Variants in WDR76 observed in about 807,000 individuals in gnomAD.
WDR76 encodes WD repeat-containing protein 76.
A neutral mutation model predicts 70.2 loss-of-function variants in WDR76; 52 were observed. The observed-to-expected ratio is 0.74, with a 90% CI of 0.59 to 0.93. The LOEUF (loss-of-function observed/expected upper bound fraction) is 0.93, where lower values mean the gene tolerates loss of function less well. Among genes scored for constraint, WDR76 ranks in the 40% least tolerant of loss-of-function variants. The pLI, the probability that WDR76 is intolerant of heterozygous loss-of-function variation, is 0.00. For synonymous variants in WDR76, 292 were observed against 271.1 expected, an observed-to-expected ratio of 1.08 and a Z score of -0.76; for missense variants, 756 against 760.2, an observed-to-expected ratio of 0.99 and a Z score of 0.07.
chr15:43,830,069 G>A (rs1195204234), intron 2 of WDR76, among the ~76,000 whole-genome samples: 1 of 149,794 alleles, frequency 6.7e-6, no homozygotes, highest in African/African-American at 2.5e-5. Context: ...GTTGGGAGGT[G>A]TTGCCCAAGC....
chr15:43,834,836 A>T (rs1246027793), intron 2 of WDR76, among the ~76,000 whole-genome samples: 1 of 152,190 alleles, frequency 6.6e-6, no homozygotes, highest in African/African-American at 2.4e-5. Context: ...ATATCAGATC[A>T]CTTCTTAACT....
rs2087759340 is a variant in WDR76, at chr15:43,844,196, T to C, written c.1032+142T>C. ...TATGATGCTTTATGATTCCAAATTTTAGAAATCTGGAAGAATTTAAATTTG... is the reference window on the plus strand; with the variant it reads ...TATGATGCTTTATGATTCCAAATTTCAGAAATCTGGAAGAATTTAAATTTG... On this transcript the variant is annotated intron_variant, in intron 8 of 12. Transcript: ENST00000263795. 3 of 691,638 alleles carry C rather than the reference T, an allele frequency of 4.3e-6. No homozygotes were observed. In the South Asian group the frequency reaches 1.2e-4, roughly 27 times the overall value. The allele number at this position is 691,638 out of a possible 1,614,324, so 42.8% of individuals were successfully genotyped here.
intron 2 of WDR76, among the ~76,000 whole-genome samples, chr15:43,830,526 CACTCCAGCCTGGGCAACAAGAGTGAA>C (rs2087574232): frequency 6.9e-6 from 1 of 145,092 alleles, no homozygotes; most frequent in African/African-American, 2.6e-5. Context: ...CGTGCTGTTG[CACTCCAGCCTGGGCAACAAGAGTGAA>C]ACTCCGTCTC....
At chr15:43,847,756 C>T (rs536457046) in intron 8 of WDR76, among the ~76,000 whole-genome samples, 2 of 152,168 alleles carry the variant, frequency 1.3e-5, no homozygotes, top group South Asian at 2.1e-4. Context: ...GAGGCTTCTC[C>T]ATGTTGGCCA....
rs1407116514 is a variant in WDR76, at chr15:43,866,549, A to AG, written c.*160dup. The AG allele has an allele frequency of 2.1e-5, 19 of 888,198 alleles. No homozygotes were observed. The East Asian group carries it at 5.2e-4, about 24-fold the overall frequency. 55.0% of individuals were successfully genotyped at this position (888,198 alleles called of 1,614,324 possible). A position where few individuals can be genotyped will look rare whatever the true frequency, so the allele number is the denominator to read the frequency against. On this transcript the variant is annotated 3_prime_UTR_variant, in exon 13 of 13. Transcript: ENST00000263795. ...CTATAAGAAGAGTGTACTTTTAGTA[A>AG]GGGAGAAGTCTTGGAGGGTTGCTTC... is the stretch of plus-strand genomic sequence containing the variant.
chr15:43,834,298 CTTTT>C (rs971086051), intron 2 of WDR76, among the ~76,000 whole-genome samples: 1 of 132,170 alleles, frequency 7.6e-6, no homozygotes. Context: ...AAAAAAATAA[CTTTT>C]TTTTTTTTTT....
intron 9 of WDR76, among the ~76,000 whole-genome samples, chr15:43,853,722 A>G (rs983465185): frequency 2.0e-5 from 3 of 151,934 alleles, no homozygotes; most frequent in Non-Finnish European, 2.9e-5. Context: ...CCTGGCCAAC[A>G]TGGTGAAACC....
chr15:43,848,377 C>T (rs2087814716), intron 8 of WDR76, among the ~76,000 whole-genome samples: 1 of 152,204 alleles, frequency 6.6e-6, no homozygotes, highest in Admixed American at 6.5e-5. Flanking sequence ...TTCTGCCCTG[C>T]CCCGTGTGCA....
intron 8 of WDR76, among the ~76,000 whole-genome samples, chr15:43,848,239 CAAAAA>C (rs1360567118): frequency 6.6e-6 from 1 of 151,138 alleles, no homozygotes; most frequent in Non-Finnish European, 1.5e-5. Context: ...GACCCTATCT[CAAAAA>C]AAGAAAAAAA....
At chr15:43,860,910 C>CTTTTTTTTT (rs34504509) in intron 11 of WDR76, among the ~76,000 whole-genome samples, 3 of 79,018 alleles carry the variant, frequency 3.8e-5, no homozygotes, top group Non-Finnish European at 6.9e-5. Flanking sequence ...TGATCTTACT[C>CTTTTTTTTT]TTTTTTTTTT....
At chr15:43,835,014 C>G (rs2087637182) in intron 2 of WDR76, 47 bp from the exon 3 acceptor site, 1 of 1,523,182 alleles carries the variant, frequency 6.6e-7, no homozygotes, top group African/African-American at 1.4e-5. Flanking sequence ...AGTGCTTTTC[C>G]TGTAGATTAT....
chr15:43,854,617 A>G (rs909747236), intron 9 of WDR76, among the ~76,000 whole-genome samples: 2 of 152,086 alleles, frequency 1.3e-5, no homozygotes, highest in Non-Finnish European at 2.9e-5. Context: ...TAATTCTCTG[A>G]GTTTTGGTGA....
chr15:43,846,912 C>T (rs1166068867), intron 8 of WDR76, among the ~76,000 whole-genome samples: 1 of 149,964 alleles, frequency 6.7e-6, no homozygotes, highest in Non-Finnish European at 1.5e-5. Flanking sequence ...ATCCCAGCTA[C>T]TTGGGAGGCT....
At chr15:43,839,529 A>C in intron 4 of WDR76, 76 bp from the exon 5 acceptor site, 1 of 1,437,288 alleles carries the variant, frequency 7.0e-7, no homozygotes, top group Non-Finnish European at 9.4e-7. Flanking sequence ...ATATTCCTAG[A>C]AGTTATCTCT....
At chr15:43,836,559 A>C (rs1005018963) in intron 4 of WDR76, among the ~76,000 whole-genome samples, 22 of 152,166 alleles carry the variant, frequency 1.4e-4, no homozygotes, top group African/African-American at 5.1e-4. Flanking sequence ...TTTGCGTCTC[A>C]ATTTGTTTTT....
intron 10 of WDR76, among the ~76,000 whole-genome samples, chr15:43,857,920 C>T (rs1017529369): frequency 2.7e-5 from 4 of 147,090 alleles, no homozygotes; most frequent in Non-Finnish European, 4.5e-5. Flanking sequence ...GTTATCTATA[C>T]CAGTTTTGGG....
intron 9 of WDR76, among the ~76,000 whole-genome samples, chr15:43,854,397 G>A (rs1426000583): frequency 6.8e-6 from 1 of 147,982 alleles, no homozygotes; most frequent in African/African-American, 2.5e-5. Context: ...TAGTGAAACC[G>A]CACCTCTAAA....
intron 8 of WDR76, among the ~76,000 whole-genome samples, chr15:43,845,584 T>C (rs1185976855): frequency 2.7e-5 from 4 of 150,388 alleles, no homozygotes; most frequent in African/African-American, 9.6e-5. Flanking sequence ...GATAAGCCAC[T>C]CAGTTTATGG....
rs975378320 is a variant in WDR76 at position 43,853,481 on chromosome 15, G to A, written c.1191+2236G>A. Among the ~76,000 whole-genome samples, 5 of 152,094 alleles carry A rather than the reference G, an allele frequency of 3.3e-5. No individual in the cohort carries two copies. The South Asian group carries it at 8.3e-4, about 25-fold the overall frequency. On this transcript the variant is annotated intron_variant, in intron 9 of 12. Coordinates refer to ENST00000263795, the MANE Select transcript of WDR76 (RefSeq NM_024908.4). ...GCTGGTATTACAGGCATGAGCCACC[G>A]CGCCTGGCTGTAACTTACATTTCAA...
Sources: allele counts gnomAD v4.1 joint callset (sites outside exome capture counted in the v4.1 genomes callset), GRCh38; gene constraint gnomAD v4.1.1; transcripts MANE v1.5; gene names NCBI Gene and HGNC (gene_info 2026-07-23, HGNC 2026-07-21).